ADAM10: variants seen among roughly 807,000 people sequenced by gnomAD.
The protein encoded by ADAM10 is disintegrin and metalloproteinase domain-containing protein 10.
ADAM10 carries 17 observed loss-of-function variants against 90.1 expected under a neutral mutation model. The observed-to-expected ratio is 0.19, with a 90% CI of 0.13 to 0.28. The LOEUF (loss-of-function observed/expected upper bound fraction) is 0.28, where lower values mean the gene tolerates loss of function less well. Ranked by LOEUF, ADAM10 falls within the 10% of genes least tolerant of loss-of-function variation. ADAM10 has a pLI of 1.00. For synonymous variants in ADAM10, 310 were observed against 298.6 expected (o/e 1.04, Z -0.40); for missense variants, 610 against 914.3 (o/e 0.67, Z 4.29).
At position 58,679,177 on chromosome 15, in the gene ADAM10, A is replaced by C; in HGVS notation, c.431T>G (p.Ile144Ser). The change falls in exon 4 of 16, where the codon ATT becomes AGT. Residue 144 changes from isoleucine to serine, a missense_variant. Coordinates refer to ENST00000260408, the MANE Select transcript of ADAM10 (RefSeq NM_001110.4). ...TFYVEPAERY[I>S]KDRTLPFHSV... is the part of the protein sequence containing the mutation. ...GTGAAATGGCAGAGTTCGGTCTTTA[A>C]TATATCTCTCTGCTGGCTCAACATA... 8 of 1,614,016 alleles carry C rather than the reference A, an allele frequency of 5.0e-6. No homozygotes were observed. The highest frequency in any genetic ancestry group is 5.9e-6 in the Non-Finnish European group (7 of 1,179,968).
At chr15:58,607,496 T>G (rs1297121676) in intron 14 of ADAM10, among the ~76,000 whole-genome samples, 19 of 152,348 alleles carry the variant, frequency 1.2e-4, no homozygotes, top group African/African-American at 3.6e-4. Flanking sequence ...CAGATTCATT[T>G]GACCATTGAA....
intron 2 of ADAM10, among the ~76,000 whole-genome samples, chr15:58,705,320 T>C (rs1171460226): frequency 2.6e-5 from 4 of 152,204 alleles, no homozygotes; most frequent in Admixed American, 1.3e-4. Flanking sequence ...CTGTATTGAT[T>C]TTATGAATCA....
Position 58,727,623 on chromosome 15 carries a change from C to T in ADAM10, c.56-9896G>A, listed in dbSNP as rs76122411. Among the ~76,000 whole-genome samples, 6 of 152,208 alleles carry T rather than the reference C, an allele frequency of 3.9e-5. No individual in the cohort carries two copies. In the South Asian group the frequency reaches 8.3e-4, roughly 21 times the overall value. ...CTGGGATTACAGGCATGAGATGACA[C>T]GCCAGCCTTGTTATTTTTTAAAAAA... On this transcript the variant is annotated intron_variant, in intron 1 of 15. Coordinates refer to ENST00000260408, the MANE Select transcript of ADAM10 (RefSeq NM_001110.4).
intron 2 of ADAM10, chr15:58,686,589 G>A (rs1313194994): frequency 2.7e-6 from 3 of 1,118,488 alleles, no homozygotes; most frequent in Non-Finnish European, 2.7e-6. Flanking sequence ...AACCCCTTCT[G>A]GGAACCCAGA....
chr15:58,605,238 A>G (rs1390836803), intron 14 of ADAM10, among the ~76,000 whole-genome samples: 3 of 152,208 alleles, frequency 2.0e-5, no homozygotes, highest in African/African-American at 7.2e-5. Flanking sequence ...CTTCTAGCAC[A>G]GTGTTCCTGG....
chr15:58,677,655 G>A (rs150147155), intron 4 of ADAM10, among the ~76,000 whole-genome samples: 3 of 152,272 alleles, frequency 2.0e-5, no homozygotes, highest in Non-Finnish European at 4.4e-5. Flanking sequence ...ATAGCAAGTA[G>A]AAAGCAATGG....
chr15:58,701,378 T>TA (rs1898131791), intron 2 of ADAM10, among the ~76,000 whole-genome samples: 1 of 151,986 alleles, frequency 6.6e-6, no homozygotes, highest in South Asian at 2.1e-4. Flanking sequence ...CCAAAAGGTA[T>TA]AAAAAACAAT....
At chr15:58,643,014 G>A (rs1193204025) in intron 7 of ADAM10, among the ~76,000 whole-genome samples, 3 of 152,028 alleles carry the variant, frequency 2.0e-5, no homozygotes, top group African/African-American at 4.8e-5. Context: ...AAGAAAAATA[G>A]GAAAGCATAA....
At chr15:58,611,366 G>A in intron 12 of ADAM10, 1 of 455,792 alleles carries the variant, frequency 2.2e-6, no homozygotes, top group South Asian at 2.5e-5. Flanking sequence ...CAGAGCAAGA[G>A]ATTAGATGAG....
At chr15:58,712,839 A>G (rs1435534257) in intron 2 of ADAM10, among the ~76,000 whole-genome samples, 1 of 152,118 alleles carries the variant, frequency 6.6e-6, no homozygotes, top group Non-Finnish European at 1.5e-5. Context: ...AAAAAGAACA[A>G]GACAGGAACG....
chr15:58,637,339 CTA>C (rs1331454343), intron 8 of ADAM10, among the ~76,000 whole-genome samples: 6 of 152,136 alleles, frequency 3.9e-5, no homozygotes, highest in Non-Finnish European at 1.5e-5. Flanking sequence ...CGAACTGAGA[CTA>C]TGTTCATTCA....
chr15:58,737,521 T>A (rs1249504617), intron 1 of ADAM10, among the ~76,000 whole-genome samples: 2 of 152,118 alleles, frequency 1.3e-5, no homozygotes, highest in African/African-American at 4.8e-5. Context: ...CTTTCCTGAC[T>A]CTGGATAAGT....
chr15:58,692,267 CTT>C (rs769460999), intron 2 of ADAM10: 11 of 604,892 alleles, frequency 1.8e-5, no homozygotes, highest in South Asian at 1.5e-4. Flanking sequence ...GCCAAGTGGT[CTT>C]CCCAGGCACT....
chr15:58,667,637 T>C (rs1165228224), intron 4 of ADAM10, among the ~76,000 whole-genome samples: 1 of 152,116 alleles, frequency 6.6e-6, no homozygotes, highest in Non-Finnish European at 1.5e-5. Context: ...TGCATAAAAA[T>C]TATTTTTGTT....
chr15:58,652,953 C>A (rs1896724496), intron 5 of ADAM10, among the ~76,000 whole-genome samples: 1 of 151,832 alleles, frequency 6.6e-6, no homozygotes, highest in Admixed American at 6.6e-5. Flanking sequence ...TTGGTTAATT[C>A]CTAGGTATGT....
rs1010609956 is a variant in ADAM10 at position 58,647,258 on chromosome 15, T to C, written c.586-1054A>G. Among the ~76,000 whole-genome samples, 169 of 99,414 alleles carry C rather than the reference T, an allele frequency of 1.7e-3. 6 individuals carry two copies. Among genetic ancestry groups the C allele is most frequent in the African/African-American group, 5.6e-3 (155 of 27,846 alleles). 65.2% of individuals were successfully genotyped at this position (99,414 alleles called of 152,430 possible). On this transcript the variant is annotated intron_variant, in intron 5 of 15. Transcript: ENST00000260408. Reference sequence around the variant, plus strand: ...GAGTAGACACTAAGTATTTTTTTTTTTTTTTTTTTTTTTTTTTTTTGAGAC... The same window carrying C: ...GAGTAGACACTAAGTATTTTTTTTTCTTTTTTTTTTTTTTTTTTTTGAGAC...
Position 58,621,462 on chromosome 15 carries a change from G to A in ADAM10, c.1511+9C>T, listed in dbSNP as rs1895785828. The A allele has an allele frequency of 6.2e-7, 1 of 1,613,760 alleles. No homozygotes were observed. Among genetic ancestry groups the A allele is most frequent in the Non-Finnish European group, 8.5e-7 (1 of 1,179,934 alleles). On this transcript the variant is annotated intron_variant, in intron 11 of 15. Coordinates refer to ENST00000260408, the MANE Select transcript of ADAM10 (RefSeq NM_001110.4). The stretch of plus-strand genomic sequence containing the variant: ...AAGAATGTTAACATCACTGAAATTA[G>A]CAAGGTACCTGCACTGTTTCCCAGG...
chr15:58,698,979 CT>C (rs1898055869), intron 2 of ADAM10, among the ~76,000 whole-genome samples: 1 of 152,160 alleles, frequency 6.6e-6, no homozygotes, highest in Non-Finnish European at 1.5e-5. Flanking sequence ...GAAAAGGTCT[CT>C]GCCAAGGCAC....
In ADAM10 at chr15:58,592,736, G is replaced by C. The variant is rs1894848602; in HGVS notation, c.*4811C>G. On this transcript the variant is annotated 3_prime_UTR_variant, in exon 16 of 16. Coordinates refer to ENST00000260408, the MANE Select transcript of ADAM10 (RefSeq NM_001110.4). The stretch of plus-strand genomic sequence containing the variant: ...GGCTGCATATATGTGGATTTCTAAG[G>C]ATGGGACTCTGATTTAATATATATA... 1 of 146,506 alleles carries C rather than the reference G, an allele frequency of 6.8e-6. No individual in the cohort carries two copies. Among genetic ancestry groups the C allele is most frequent in the Non-Finnish European group, 1.5e-5 (1 of 67,188 alleles). The allele number at this position is 146,506 out of a possible 1,614,324, so 9.1% of individuals were successfully genotyped here. A position where few individuals can be genotyped will look rare whatever the true frequency, so the allele number is the denominator to read the frequency against.
Sources: allele counts gnomAD v4.1 joint callset (sites outside exome capture counted in the v4.1 genomes callset), GRCh38; gene constraint gnomAD v4.1.1; transcripts MANE v1.5; gene names NCBI Gene and HGNC (gene_info 2026-07-23, HGNC 2026-07-21).